The following SECISBP2L variants were observed in gnomAD, a reference collection of about 807,000 sequenced individuals.
The protein encoded by SECISBP2L is SECIS binding protein 2 like.
A neutral mutation model predicts 114.7 loss-of-function variants in SECISBP2L; 43 were observed. That is an observed-to-expected ratio of 0.38 (90% CI 0.29 to 0.48). The LOEUF is 0.48. Among genes scored for constraint, SECISBP2L ranks in the 20% least tolerant of loss-of-function variants. SECISBP2L has a pLI of 0.98. For synonymous variants in SECISBP2L, 451 were observed against 439.7 expected, an observed-to-expected ratio of 1.03 and a Z score of -0.32; for missense variants, 1,136 against 1,301.1, an observed-to-expected ratio of 0.87 and a Z score of 1.95.
At chr15:49,015,423 G>C (rs1902517056) in intron 11 of SECISBP2L, among the ~76,000 whole-genome samples, 1 of 152,142 alleles carries the variant, frequency 6.6e-6, no homozygotes, top group Non-Finnish European at 1.5e-5. Context: ...TTGGTAACTA[G>C]ATAGGTTTAA....
chr15:49,044,155 T>C (rs1903195842), intron 1 of SECISBP2L, among the ~76,000 whole-genome samples: 1 of 152,064 alleles, frequency 6.6e-6, no homozygotes, highest in South Asian at 2.1e-4. Flanking sequence ...TCAACACTGG[T>C]CTAAAGGGAA....
chr15:49,000,765 A>C, intron 15 of SECISBP2L, 112 bp downstream of exon 15: 1 of 802,440 alleles, frequency 1.2e-6, no homozygotes, highest in Non-Finnish European at 1.9e-6. Flanking sequence ...TCATGCTCCA[A>C]TATTGTTTTA....
At chr15:49,028,738 T>C in intron 4 of SECISBP2L, 56 bp from the exon 5 acceptor site, 2 of 1,359,094 alleles carry the variant, frequency 1.5e-6, no homozygotes, top group East Asian at 4.6e-5. Flanking sequence ...TGATAAATTC[T>C]CATTAAATCA....
intron 1 of SECISBP2L, among the ~76,000 whole-genome samples, chr15:49,039,529 C>CTTT (rs1207046596): frequency 7.4e-6 from 1 of 135,562 alleles, no homozygotes; most frequent in Non-Finnish European, 1.6e-5. Context: ...TTTTTTCTTT[C>CTTT]TTTTTTTTTT....
chr15:49,037,439 T>C (rs1223552284), intron 2 of SECISBP2L, 152 bp downstream of exon 2: 37 of 642,058 alleles, frequency 5.8e-5, no homozygotes, highest in South Asian at 2.3e-5. Context: ...CTAATCCATA[T>C]CAACAATTTC....
chr15:49,008,128 A>G (rs776974509), intron 14 of SECISBP2L, among the ~76,000 whole-genome samples: 5 of 152,198 alleles, frequency 3.3e-5, no homozygotes, highest in Admixed American at 6.5e-5. Flanking sequence ...ATAAGCAGGT[A>G]CTTAATAGGG....
chr15:48,997,740 A>C (rs1336338107), intron 16 of SECISBP2L, among the ~76,000 whole-genome samples: 2 of 152,078 alleles, frequency 1.3e-5, no homozygotes, highest in Admixed American at 1.3e-4. Context: ...GTGGTGGTGC[A>C]TGCCTGTAAT....
At chr15:49,039,406 T>C (rs910866382) in intron 1 of SECISBP2L, among the ~76,000 whole-genome samples, 1 of 151,776 alleles carries the variant, frequency 6.6e-6, no homozygotes, top group Non-Finnish European at 1.5e-5. Flanking sequence ...CGTACAGCAA[T>C]AATGCAAAGA....
chr15:49,027,444 G>A lies in SECISBP2L; in HGVS notation c.956C>T (p.Thr319Ile). The A allele has an allele frequency of 1.2e-6, 2 of 1,608,554 alleles. No homozygotes were observed. Among genetic ancestry groups the A allele is most frequent in the Non-Finnish European group, 1.7e-6 (2 of 1,176,438 alleles). ...TTTTTCCATCCAAGGTTTTTTCTGAGTTGCCTGGCAAGTTACATTGGACCA... is the reference window on the plus strand; with the variant it reads ...TTTTTCCATCCAAGGTTTTTTCTGAATTGCCTGGCAAGTTACATTGGACCA... ...VNWSNVTCQATQKKPWMEKNQ... is the reference protein window; with the variant it reads ...VNWSNVTCQAIQKKPWMEKNQ... The change falls in exon 7 of 18, where the codon ACT (threonine) becomes ATT (isoleucine). Residue 319 changes from threonine to isoleucine, a missense_variant. By Grantham distance (89) the Thr-to-Ile change is moderately conservative. This residue lies in a region of SECISBP2L where 452 missense variants were observed against 452.3 expected (regional missense o/e 1.00). Coordinates refer to ENST00000559471, the MANE Select transcript of SECISBP2L (RefSeq NM_001193489.2).
At chr15:49,011,288 T>G (rs540400794) in intron 13 of SECISBP2L, among the ~76,000 whole-genome samples, 4 of 152,332 alleles carry the variant, frequency 2.6e-5, no homozygotes, top group African/African-American at 7.2e-5. Flanking sequence ...CCAACTAGAT[T>G]CTGCTTTGCA....
Position 48,992,312 on chromosome 15 carries a change from T to TCTG in SECISBP2L, c.3235_3237dup (p.Gln1079dup), listed in dbSNP as rs751880349. On this transcript the variant is annotated inframe_insertion, in exon 18 of 18. Transcript: ENST00000559471. ...TTGAGCGAGCTGCAGTTGCTGGACTTCTGCTGCCCAGGACTGGCCTGCTGG... is the reference window on the plus strand; with the variant it reads ...TTGAGCGAGCTGCAGTTGCTGGACTTCTGCTGCTGCCCAGGACTGGCCTGCTGG... 2 of 1,613,762 alleles carry TCTG rather than the reference T, an allele frequency of 1.2e-6. No individual in the cohort carries two copies. The highest frequency in any genetic ancestry group is 2.7e-5 in the African/African-American group (2 of 74,914).
chr15:49,045,809 G>A (rs1454197244), intron 1 of SECISBP2L, among the ~76,000 whole-genome samples: 2 of 152,098 alleles, frequency 1.3e-5, no homozygotes, highest in African/African-American at 4.8e-5. Context: ...ACAATGCTTC[G>A]CTCCATTGAA....
In SECISBP2L at chr15:49,011,882, G is replaced by A. The variant is rs749287921; in HGVS notation, c.1732-19C>T. 3.7e-6 allele frequency: 6 copies of A among 1,611,554 alleles called. No individual in the cohort carries two copies. The highest frequency in any genetic ancestry group is 1.1e-5 in the South Asian group (1 of 91,012). On this transcript the variant is annotated intron_variant, in intron 12 of 17. Transcript: ENST00000559471. ...AAATAACCTAAAAGTCATTACACTA[G>A]TCTTTAATTACAGATTACTCTTCAA...
chr15:49,021,719 G>A (rs943625633), intron 7 of SECISBP2L, among the ~76,000 whole-genome samples: 1 of 152,032 alleles, frequency 6.6e-6, no homozygotes, highest in African/African-American at 2.4e-5. Context: ...AAAAACAAAC[G>A]CAACCTGATT....
At chr15:49,029,346 TCA>T (rs1485923138) in intron 4 of SECISBP2L, among the ~76,000 whole-genome samples, 8 of 152,198 alleles carry the variant, frequency 5.3e-5, no homozygotes, top group Admixed American at 2.0e-4. Context: ...TATCATTCCC[TCA>T]CTTTTCTTTA....
At chr15:49,026,660 T>C (rs1902749626) in intron 7 of SECISBP2L, among the ~76,000 whole-genome samples, 1 of 152,210 alleles carries the variant, frequency 6.6e-6, no homozygotes. Flanking sequence ...ATTTAACCCA[T>C]TAGTAACTTG....
intron 3 of SECISBP2L, among the ~76,000 whole-genome samples, chr15:49,034,065 C>T (rs934482225): frequency 6.6e-6 from 1 of 151,888 alleles, no homozygotes; most frequent in Admixed American, 6.6e-5. Context: ...TCTGAGTTCC[C>T]GAAAAGATAT....
intron 13 of SECISBP2L, among the ~76,000 whole-genome samples, chr15:49,010,511 T>TTTTG (rs920915051): frequency 4.6e-5 from 7 of 152,230 alleles, no homozygotes; most frequent in African/African-American, 1.7e-4. Context: ...TTTTTGGTTT[T>TTTTG]TTTGTTTGTT....
chr15:49,042,361 T>C (rs2141089639), intron 1 of SECISBP2L: 1 of 152,712 alleles, frequency 6.5e-6, no homozygotes, highest in Non-Finnish European at 1.5e-5. Context: ...TCCCACTATG[T>C]TGTCCAGGCT....
Sources: allele counts gnomAD v4.1 joint callset (sites outside exome capture counted in the v4.1 genomes callset), GRCh38; gene constraint gnomAD v4.1.1; regional missense constraint gnomAD v4.1.1; transcripts MANE v1.5; gene names NCBI Gene and HGNC (gene_info 2026-07-23, HGNC 2026-07-21).